RPGRIP1: variants seen among roughly 807,000 people sequenced by gnomAD.
The protein encoded by RPGRIP1 is X-linked retinitis pigmentosa GTPase regulator-interacting protein 1.
RPGRIP1 carries 128 observed loss-of-function variants against 157.9 expected under a neutral mutation model. The observed-to-expected ratio is 0.81, with a 90% confidence interval of 0.70 to 0.94. The LOEUF is 0.94. Ranked by LOEUF, RPGRIP1 falls within the 40% of genes least tolerant of loss-of-function variation. The pLI is 0.00. For synonymous variants in RPGRIP1, 554 were observed against 571.6 expected (o/e 0.97, Z 0.44); for missense variants, 1,486 against 1,545.8 (o/e 0.96, Z 0.65).
chr14:21,348,861 A>T (rs1397368540), intron 24 of RPGRIP1, among the ~76,000 whole-genome samples: 1 of 151,648 alleles, frequency 6.6e-6, no homozygotes, highest in Admixed American at 6.6e-5. Flanking sequence ...GTGTTTTACC[A>T]TGTTGGCCAG....
At position 21,325,904 on chromosome 14, in the gene RPGRIP1, G is replaced by C; in HGVS notation, c.2441G>C (p.Arg814Pro). The C allele has an allele frequency of 6.2e-7, 1 of 1,613,894 alleles. No homozygotes were observed. Among genetic ancestry groups the C allele is most frequent in the South Asian group, 1.1e-5 (1 of 91,082 alleles). Residue 814 changes from arginine (R) to proline (P), a missense_variant, in exon 17 of 25, where the codon CGA becomes CCA. Arg to Pro is a moderately radical substitution (Grantham distance 103). Transcript: ENST00000400017. ...EITKCCGLRSRWLGTQPSPYA... is the reference protein window; with the variant it reads ...EITKCCGLRSPWLGTQPSPYA... ...ACCAAGTGCTGTGGCCTCCGGAGTC[G>C]ATGGCTGGGAACTCAACCCAGTCCA...
At chr14:21,294,300 G>A (rs1452538070) in intron 2 of RPGRIP1, among the ~76,000 whole-genome samples, 1 of 151,108 alleles carries the variant, frequency 6.6e-6, no homozygotes. Context: ...GCACGATCTC[G>A]GCTCATGGCA....
chr14:21,317,890 C>A, intron 11 of RPGRIP1, 40 bp downstream of exon 11: 6 of 1,533,370 alleles, frequency 3.9e-6, no homozygotes, highest in Non-Finnish European at 5.3e-6. Flanking sequence ...ATGTGGCATC[C>A]TCTACCTCTG....
chr14:21,300,994 G>A lies in RPGRIP1; in HGVS notation c.247G>A (p.Ala83Thr). The A allele has an allele frequency of 6.2e-7, 1 of 1,612,850 alleles. No homozygotes were observed. The highest frequency in any genetic ancestry group is 8.5e-7 in the Non-Finnish European group (1 of 1,179,412). ...RLRTTLLRLT[A>T]AGRDLRVAEE... ...GAGGACCACCTTGCTGCGGTTGACC[G>A]CTGCTGGCCGGGACCTGCGGGTCGC... The change falls in exon 4 of 25, where the codon GCT becomes ACT. Residue 83 changes from alanine to threonine, a missense_variant. Physicochemically the swap from Ala to Thr is moderately conservative, Grantham distance 58. Transcript: ENST00000400017.
chr14:21,295,279 C>G (rs1391391771), intron 3 of RPGRIP1, among the ~76,000 whole-genome samples: 1 of 151,940 alleles, frequency 6.6e-6, no homozygotes, highest in Non-Finnish European at 1.5e-5. Context: ...AGAGACTGGA[C>G]AGGTTCCTCC....
chr14:21,305,792 C>T (rs534785612), intron 6 of RPGRIP1, among the ~76,000 whole-genome samples: 1 of 152,218 alleles, frequency 6.6e-6, no homozygotes, highest in African/African-American at 2.4e-5. Context: ...ACCCGAGAGG[C>T]AGGGGTTGCA....
rs1318515059 is a variant in RPGRIP1 at position 21,291,784 on chromosome 14, G to C, written c.86-2893G>C. 2.6e-5 allele frequency among the ~76,000 whole-genome samples: 4 copies of C among 151,978 alleles called. No homozygotes were observed. The South Asian group carries it at 6.2e-4, about 24-fold the overall frequency. ...CTGTTTTTTGTTTTTTGTTGAGATG[G>C]AGTCTCGCTTTTGTTGCCCAGGCTG... On this transcript the variant is annotated intron_variant, in intron 2 of 24. Transcript: ENST00000400017.
intron 1 of RPGRIP1, among the ~76,000 whole-genome samples, chr14:21,283,654 C>CTT (rs759412799): frequency 3.0e-5 from 4 of 134,060 alleles, no homozygotes; most frequent in Admixed American, 7.7e-5. Context: ...TGCAGATTTA[C>CTT]TTTTTTTTTT....
intron 20 of RPGRIP1, among the ~76,000 whole-genome samples, chr14:21,332,199 A>G (rs1883867222): frequency 6.6e-6 from 1 of 152,146 alleles, no homozygotes; most frequent in Admixed American, 6.5e-5. Context: ...TCAGCCTCCC[A>G]AAGTGCTGGG....
intron 22 of RPGRIP1, 92 bp from the exon 23 acceptor site, chr14:21,345,021 G>T: frequency 1.2e-6 from 1 of 826,610 alleles, no homozygotes; most frequent in South Asian, 1.4e-5. Context: ...ATCTTTTTAT[G>T]AAAACTACCA....
At chr14:21,295,144 CA>C (rs1358261488) in intron 3 of RPGRIP1, among the ~76,000 whole-genome samples, 1 of 151,712 alleles carries the variant, frequency 6.6e-6, no homozygotes. Context: ...CTGCCCGGCC[CA>C]AAAATAATTT....
At chr14:21,331,387 T>C (rs942066401) in intron 20 of RPGRIP1, among the ~76,000 whole-genome samples, 1 of 151,932 alleles carries the variant, frequency 6.6e-6, no homozygotes, top group African/African-American at 2.4e-5. Flanking sequence ...CTGGGCATGG[T>C]GGCATCTGCC....
chr14:21,351,119 A>G lies in RPGRIP1; in HGVS notation c.3764A>G (p.Asp1255Gly). ...TTCCCAACAGTTGTTAGCCCTGAAG[A>G]TCTGGCTACCCCAATAGGAAGGCTG... ...EQELDIVSPE[D>G]LATPIGRLKV... Residue 1255 changes from aspartate to glycine, a missense_variant, in exon 25 of 25, where the codon GAT (aspartate) becomes GGT (glycine). By Grantham distance (94) the Asp-to-Gly change is moderately conservative. Transcript: ENST00000400017. 6.2e-7 allele frequency: 1 copy of G among 1,609,234 alleles called. No individual in the cohort carries two copies. Among genetic ancestry groups the G allele is most frequent in the African/African-American group, 1.3e-5 (1 of 74,904 alleles).
At chr14:21,337,193 G>C (rs533459352) in intron 21 of RPGRIP1, among the ~76,000 whole-genome samples, 8 of 152,206 alleles carry the variant, frequency 5.3e-5, no homozygotes, top group African/African-American at 1.2e-4. Context: ...CAGTGATTTA[G>C]ATCCCAGCTC....
At chr14:21,343,680 C>T (rs934937302) in intron 22 of RPGRIP1, among the ~76,000 whole-genome samples, 5 of 151,754 alleles carry the variant, frequency 3.3e-5, no homozygotes, top group East Asian at 1.9e-4. Context: ...TTAGTAGAGG[C>T]GGGGTTTCAC....
At chr14:21,323,843 A>G (rs184097405) in intron 14 of RPGRIP1, 2 of 152,560 alleles carry the variant, frequency 1.3e-5, no homozygotes, top group African/African-American at 4.8e-5. Flanking sequence ...ATTTTATTCT[A>G]CTGCTTTAAC....
At chr14:21,307,857 G>C (rs1486471668) in intron 7 of RPGRIP1, 21 bp downstream of exon 7, 16 of 1,382,298 alleles carry the variant, frequency 1.2e-5, no homozygotes, top group Non-Finnish European at 1.6e-5. Flanking sequence ...ATCATCAGCT[G>C]TGCTTTCTTG....
chr14:21,324,859 A>G lies in RPGRIP1; in HGVS notation c.2004A>G (p.Leu668=), dbSNP rs1391434760. ...ACTTTGAAACCCACTGTACCCCATT[A>G]TCTGTGGGGCCACAGCCCCTCTATG... ...FYDFETHCTP[L]SVGPQPLYDF... The change falls in exon 15 of 25, where the codon TTA becomes TTG. Residue 668 remains leucine, a synonymous_variant. Coordinates refer to ENST00000400017, the MANE Select transcript of RPGRIP1 (RefSeq NM_020366.4). 1 of 1,613,770 alleles carries G rather than the reference A, an allele frequency of 6.2e-7. No individual in the cohort carries two copies. The highest frequency in any genetic ancestry group is 8.5e-7 in the Non-Finnish European group (1 of 1,179,706).
intron 6 of RPGRIP1, among the ~76,000 whole-genome samples, chr14:21,307,161 G>A (rs536968508): frequency 3.2e-4 from 49 of 152,044 alleles, no homozygotes; most frequent in African/African-American, 1.1e-3. Flanking sequence ...CAGTTCAAGC[G>A]ATTCTCTTGC....
Sources: gnomAD v4.1 joint callset for allele counts (sites outside exome capture counted in the v4.1 genomes callset) on GRCh38, gnomAD v4.1.1 for gene constraint, MANE v1.5 for transcripts, NCBI Gene and HGNC (gene_info 2026-07-23, HGNC 2026-07-21) for gene names.